The following ZBTB17 variants were observed in gnomAD, a reference collection of about 807,000 sequenced individuals.
ZBTB17 encodes zinc finger and BTB domain containing 17.
In ZBTB17, 24 loss-of-function variants were observed where a neutral mutation model predicts 85.1. The observed-to-expected ratio is 0.28, with a 90% CI of 0.20 to 0.40. The LOEUF is 0.40. Ranked by LOEUF, ZBTB17 falls within the 10% of genes least tolerant of loss-of-function variation. The pLI, the probability that ZBTB17 is intolerant of heterozygous loss-of-function variation, is 1.00. For synonymous variants in ZBTB17, 464 were observed against 460.2 expected (o/e 1.01, Z -0.11); for missense variants, 743 against 1,105.1 (o/e 0.67, Z 4.65).
rs1430822261 is a variant in ZBTB17, at chr1:15,975,991, T to G, written c.-98A>C. 1 of 699,894 alleles carries G rather than the reference T, an allele frequency of 1.4e-6. No individual in the cohort carries two copies. The highest frequency in any genetic ancestry group is 1.5e-5 in the South Asian group (1 of 67,124). 43.4% of individuals were successfully genotyped at this position (699,894 alleles called of 1,614,324 possible). ...CGATTGTTGACACTCACCTGCCATG[T>G]CCCGGACCCCACCGCAGAGGGAGGT... On this transcript the variant is annotated 5_prime_UTR_variant, in exon 1 of 16. Coordinates refer to ENST00000375743, the MANE Select transcript of ZBTB17 (RefSeq NM_003443.3).
intron 2 of ZBTB17, among the ~76,000 whole-genome samples, chr1:15,962,927 G>A (rs2072311835): frequency 6.6e-6 from 1 of 151,996 alleles, no homozygotes; most frequent in African/African-American, 2.4e-5. Flanking sequence ...ACTCCAGCCT[G>A]AGCAACAGCG....
At position 15,952,330 on chromosome 1, in the gene ZBTB17, C is replaced by A. The variant is rs1252308098; in HGVS notation, c.-2-3833G>T. 1.3e-5 allele frequency among the ~76,000 whole-genome samples: 2 copies of A among 152,238 alleles called. No homozygotes were observed. The highest frequency in any genetic ancestry group is 1.5e-5 in the Non-Finnish European group (1 of 68,048). ...GCTTAGGTGGACACAGAGCCCTGGG[C>A]TCCCTCACGAGGAATTCACTGGGGA... On this transcript the variant is annotated intron_variant, in intron 2 of 15. Coordinates refer to ENST00000375743, the MANE Select transcript of ZBTB17 (RefSeq NM_003443.3). The surrounding 1 kb of genome is among the most constrained non-coding windows in gnomAD (Gnocchi z 4.3).
intron 3 of ZBTB17, 99 bp from the exon 4 acceptor site, chr1:15,947,222 A>T (rs2071646335): frequency 7.8e-7 from 1 of 1,281,686 alleles, no homozygotes; most frequent in Admixed American, 2.3e-5. Flanking sequence ...GGGATTTAGG[A>T]ACAGCTGAGT....
At chr1:15,965,127 A>G in intron 2 of ZBTB17, among the ~76,000 whole-genome samples, 1 of 152,122 alleles carries the variant, frequency 6.6e-6, no homozygotes, top group East Asian at 1.9e-4. Context: ...AAAAAAAAAA[A>G]AAGAATTTCT....
chr1:15,958,310 C>T (rs1270698533), intron 2 of ZBTB17, among the ~76,000 whole-genome samples: 1 of 151,728 alleles, frequency 6.6e-6, no homozygotes, highest in Non-Finnish European at 1.5e-5. Context: ...GACCTCCCTG[C>T]ACCAGGGGAG....
chr1:15,949,079 CTCTT>C (rs2071729737), intron 2 of ZBTB17, among the ~76,000 whole-genome samples: 1 of 152,190 alleles, frequency 6.6e-6, no homozygotes, highest in Non-Finnish European at 1.5e-5. Flanking sequence ...AGCTCTCCCT[CTCTT>C]TCTGATTCAT....
intron 9 of ZBTB17, 161 bp from the exon 10 acceptor site, chr1:15,944,056 A>G (rs2071476764): frequency 3.1e-6 from 3 of 960,154 alleles, no homozygotes; most frequent in Non-Finnish European, 4.9e-6. Flanking sequence ...CCCAGCGGTG[A>G]GAGGTAAGCC....
intron 2 of ZBTB17, among the ~76,000 whole-genome samples, chr1:15,956,233 C>T (rs1378819808): frequency 2.0e-5 from 3 of 152,232 alleles, no homozygotes; most frequent in Non-Finnish European, 4.4e-5. Context: ...TTAAATGACA[C>T]AGTGTGTCAC....
chr1:15,970,601 T>C (rs1301613350), intron 2 of ZBTB17, among the ~76,000 whole-genome samples: 1 of 151,888 alleles, frequency 6.6e-6, no homozygotes, highest in South Asian at 2.1e-4. Flanking sequence ...CAGGCTGGAG[T>C]GCAGTGGCGT....
intron 2 of ZBTB17, among the ~76,000 whole-genome samples, chr1:15,958,784 G>C (rs927451784): frequency 6.6e-6 from 1 of 152,234 alleles, no homozygotes; most frequent in Non-Finnish European, 1.5e-5. Flanking sequence ...TTGGGCAGGG[G>C]ACAGCATAAG....
At position 15,946,308 on chromosome 1, in the gene ZBTB17, A is replaced by C. The variant is rs767757819; in HGVS notation, c.395-14T>G. The C allele has an allele frequency of 1.9e-6, 3 of 1,599,370 alleles. No homozygotes were observed. In the South Asian group the frequency reaches 3.3e-5, roughly 18 times the overall value. ...TCTTGTCCCCTCCTGGAGATGGAAC[A>C]GGGCAGACCTGCCGTTTCCCATCAA... On this transcript the variant is annotated splice_polypyrimidine_tract_variant and intron_variant, in intron 4 of 15. Transcript: ENST00000375743.
chr1:15,960,221 ACT>A (rs2072209238), intron 2 of ZBTB17, among the ~76,000 whole-genome samples: 2 of 151,722 alleles, frequency 1.3e-5, no homozygotes, highest in African/African-American at 4.8e-5. Context: ...CAGGCACTTA[ACT>A]CTGCACAATC....
intron 2 of ZBTB17, among the ~76,000 whole-genome samples, chr1:15,962,016 C>A (rs1003238698): frequency 6.6e-6 from 1 of 152,042 alleles, no homozygotes; most frequent in Non-Finnish European, 1.5e-5. Flanking sequence ...CCAGCCTGGG[C>A]AACATGGTGA....
Position 15,942,236 on chromosome 1 carries a change from G to A in ZBTB17, c.2145C>T (p.Ile715=). The A allele has an allele frequency of 6.2e-7, 1 of 1,613,584 alleles. No homozygotes were observed. Among genetic ancestry groups the A allele is most frequent in the Non-Finnish European group, 8.5e-7 (1 of 1,179,764 alleles). ...QVQEEDPNTH[I]LYACDSCGDK... The stretch of plus-strand genomic sequence containing the variant: ...CCCCACAGGAGTCACAGGCGTAGAG[G>A]ATGTGAGTGTTGGGGTCTGTGGAGG... The change falls in exon 16 of 16, where the codon ATC becomes ATT. Residue 715 remains isoleucine (I), a synonymous_variant. Transcript: ENST00000375743.
At chr1:15,965,568 C>T (rs1254015372) in intron 2 of ZBTB17, among the ~76,000 whole-genome samples, 5 of 152,222 alleles carry the variant, frequency 3.3e-5, no homozygotes, top group Non-Finnish European at 7.3e-5. Flanking sequence ...TACCCTGTGA[C>T]TCCACTCCCA....
chr1:15,948,336 C>T lies in ZBTB17; in HGVS notation c.160G>A (p.Val54Met), dbSNP rs150759933. Residue 54 changes from valine (V) to methionine (M), a missense_variant, in exon 3 of 16, where the codon GTG (valine) becomes ATG (methionine). Val to Met is a conservative substitution (Grantham distance 21). Coordinates refer to ENST00000375743, the MANE Select transcript of ZBTB17 (RefSeq NM_003443.3). ...ACSEYFKMLF[V>M]DQKDVVHLDI... ...AGGTGCACCACGTCCTTCTGGTCCA[C>T]GAAGAGCATCTTGAAGTACTCGCTG... 9.9e-6 allele frequency: 16 copies of T among 1,613,862 alleles called. No homozygotes were observed. The highest frequency in any genetic ancestry group is 4.5e-5 in the East Asian group (2 of 44,904).
At chr1:15,945,473 G>A (rs2071560316) in intron 6 of ZBTB17, among the ~76,000 whole-genome samples, 1 of 152,244 alleles carries the variant, frequency 6.6e-6, no homozygotes, top group Non-Finnish European at 1.5e-5. Context: ...GGAAGCAGCA[G>A]AAGCTCCAGG....
chr1:15,950,076 G>C (rs574049908), intron 2 of ZBTB17, among the ~76,000 whole-genome samples: 127 of 152,366 alleles, frequency 8.3e-4, no homozygotes, highest in African/African-American at 2.8e-3. Flanking sequence ...AGAGCCCTAA[G>C]TGTAAGCACT....
chr1:15,961,521 A>C (rs990515176), intron 2 of ZBTB17, among the ~76,000 whole-genome samples: 2 of 152,250 alleles, frequency 1.3e-5, no homozygotes, highest in African/African-American at 2.4e-5. Flanking sequence ...TCAATGTCTC[A>C]GTTTCCAGTG....
Sources: allele counts gnomAD v4.1 joint callset (sites outside exome capture counted in the v4.1 genomes callset), GRCh38; gene constraint gnomAD v4.1.1; non-coding constraint Gnocchi (gnomAD v3.1); transcripts MANE v1.5; gene names NCBI Gene and HGNC (gene_info 2026-07-23, HGNC 2026-07-21).